Variants in RFC1 observed in about 807,000 individuals in gnomAD.
RFC1 encodes A1 140 kDa subunit.
RFC1 carries 37 observed loss-of-function variants against 137.4 expected under a neutral mutation model. That is an observed-to-expected ratio of 0.27 (90% CI 0.21 to 0.35). The LOEUF is 0.35. Among genes scored for constraint, RFC1 ranks in the 10% least tolerant of loss-of-function variants. The pLI is 1.00. For synonymous variants in RFC1, 429 were observed against 455.7 expected (o/e 0.94, Z 0.75); for missense variants, 1,205 against 1,358.5 (o/e 0.89, Z 1.78).
At chr4:39,292,405 C>A (rs1211245363) in intron 22 of RFC1, among the ~76,000 whole-genome samples, 1 of 152,078 alleles carries the variant, frequency 6.6e-6, no homozygotes, top group Non-Finnish European at 1.5e-5. Context: ...AAAAAGTGAT[C>A]CACAGTGGCC....
intron 9 of RFC1, among the ~76,000 whole-genome samples, chr4:39,318,305 G>A (rs1430967700): frequency 6.6e-6 from 1 of 152,182 alleles, no homozygotes; most frequent in Non-Finnish European, 1.5e-5. Flanking sequence ...ATCATATGAG[G>A]AGCTTATTAA....
rs775780200 is a variant in RFC1, at chr4:39,308,659, C to T, written c.1862G>A (p.Ser621Asn). Reference protein sequence around the residue: ...LLRWLRNWQKSSSEDKKHAKF... With the variant: ...LLRWLRNWQKNSSEDKKHAKF... ...ACCGTGTTTTTTATCTTCGGAAGAA[C>T]TCTTTTGCCAGTTTCGGAGCCAGCG... Residue 621 changes from serine (S) to asparagine (N), a missense_variant, in exon 13 of 25, where the codon AGT becomes AAT. Ser to Asn is a conservative substitution (Grantham distance 46). Around this residue, in one of 3 missense-constraint regions of RFC1, gnomAD observed 962 missense variants for 1,035.3 expected, o/e 0.93. Coordinates refer to ENST00000349703, the MANE Select transcript of RFC1 (RefSeq NM_002913.5). 89 of 1,611,390 alleles carry T rather than the reference C, an allele frequency of 5.5e-5. 1 individual carries two copies. In the South Asian group the frequency reaches 5.6e-4, roughly 10 times the overall value.
At chr4:39,322,661 C>T (rs1174012368) in intron 7 of RFC1, among the ~76,000 whole-genome samples, 3 of 152,038 alleles carry the variant, frequency 2.0e-5, no homozygotes, top group African/African-American at 7.2e-5. Context: ...TGCTTCTAAT[C>T]CCAACACTTT....
chr4:39,362,537 AAAG>A (rs755385901), intron 1 of RFC1, among the ~76,000 whole-genome samples: 1 of 152,350 alleles, frequency 6.6e-6, no homozygotes. Flanking sequence ...TTCAATGGAG[AAAG>A]AAGAGTCTTT....
At chr4:39,362,269 T>A (rs916885717) in intron 1 of RFC1, among the ~76,000 whole-genome samples, 2 of 152,136 alleles carry the variant, frequency 1.3e-5, no homozygotes, top group African/African-American at 4.8e-5. Context: ...AAATTCCCTA[T>A]CAAAATTCCA....
chr4:39,324,554 A>C (rs1316056009), intron 6 of RFC1, among the ~76,000 whole-genome samples: 1 of 152,232 alleles, frequency 6.6e-6, no homozygotes, highest in Non-Finnish European at 1.5e-5. Flanking sequence ...ATAAGATAGA[A>C]AAACATTTTG....
intron 19 of RFC1, among the ~76,000 whole-genome samples, chr4:39,301,027 A>G (rs1738328112): frequency 1.3e-5 from 2 of 151,750 alleles, no homozygotes; most frequent in Non-Finnish European, 2.9e-5. Flanking sequence ...CGGGAGGCAG[A>G]GGCTACAGTG....
intron 10 of RFC1, among the ~76,000 whole-genome samples, chr4:39,316,568 T>G (rs1035915901): frequency 2.6e-5 from 4 of 152,192 alleles, no homozygotes; most frequent in Non-Finnish European, 5.9e-5. Flanking sequence ...GCATCTTAGA[T>G]TTTTCCCTCA....
chr4:39,294,470 G>A (rs947892662), intron 22 of RFC1, among the ~76,000 whole-genome samples: 2 of 150,206 alleles, frequency 1.3e-5, no homozygotes, highest in Admixed American at 6.6e-5. Context: ...TCAGGAGTTC[G>A]AGACCAGCCT....
chr4:39,314,690 G>T (rs1739149681), intron 10 of RFC1, among the ~76,000 whole-genome samples: 1 of 152,000 alleles, frequency 6.6e-6, no homozygotes, highest in Non-Finnish European at 1.5e-5. Flanking sequence ...AGCCCCTTAA[G>T]GCCGACCTTC....
At chr4:39,344,255 C>G (rs1285861884) in intron 3 of RFC1, among the ~76,000 whole-genome samples, 2 of 151,996 alleles carry the variant, frequency 1.3e-5, no homozygotes, top group Non-Finnish European at 2.9e-5. Context: ...AAAAGGCATG[C>G]AAAAAAATTC....
chr4:39,297,737 T>G (rs1274870811), intron 21 of RFC1: 1 of 152,350 alleles, frequency 6.6e-6, no homozygotes. Context: ...GCTGGAATTA[T>G]AGTTTACATA....
chr4:39,356,018 A>AAC (rs59052460), intron 1 of RFC1: 4 of 150,720 alleles, frequency 2.7e-5, no homozygotes, highest in Non-Finnish European at 5.9e-5. Flanking sequence ...AAAAAAAAAA[A>AAC]CACTGGTATA....
intron 1 of RFC1, among the ~76,000 whole-genome samples, chr4:39,359,593 C>T (rs540901575): frequency 2.7e-4 from 41 of 152,184 alleles, no homozygotes; most frequent in South Asian, 4.1e-4. Context: ...GAGGCCGAGG[C>T]GGGTGGATCA....
intron 12 of RFC1, 77 bp from the exon 13 acceptor site, chr4:39,309,109 G>T: frequency 1.4e-6 from 2 of 1,460,368 alleles, no homozygotes; most frequent in Non-Finnish European, 1.8e-6. Flanking sequence ...ACGTACTACA[G>T]AGAGCAATCA....
chr4:39,303,297 A>AT, intron 15 of RFC1, 146 bp from the exon 16 acceptor site: 125 of 568,950 alleles, frequency 2.2e-4, no homozygotes, highest in Non-Finnish European at 2.6e-4. Context: ...GTGTTGTTAA[A>AT]GAAAAAAAAA....
At chr4:39,339,352 C>T (rs899729116) in intron 4 of RFC1, among the ~76,000 whole-genome samples, 2 of 152,180 alleles carry the variant, frequency 1.3e-5, no homozygotes, top group African/African-American at 4.8e-5. Flanking sequence ...CACCAATCTA[C>T]ATTCCCACCA....
At chr4:39,347,592 G>A (rs1740919442) in intron 2 of RFC1, among the ~76,000 whole-genome samples, 1 of 152,114 alleles carries the variant, frequency 6.6e-6, no homozygotes, top group Admixed American at 6.5e-5. Flanking sequence ...AAATACAGAA[G>A]TGACTTTGGA....
chr4:39,319,321 T>C (rs1739398900), intron 9 of RFC1, among the ~76,000 whole-genome samples: 1 of 152,220 alleles, frequency 6.6e-6, no homozygotes, highest in Non-Finnish European at 1.5e-5. Flanking sequence ...CACTATGTTA[T>C]ACTGCTTCAG....
Sources: gnomAD v4.1 joint callset for allele counts (sites outside exome capture counted in the v4.1 genomes callset) on GRCh38, gnomAD v4.1.1 for gene constraint, gnomAD v4.1.1 regional missense constraint, MANE v1.5 for transcripts, NCBI Gene and HGNC (gene_info 2026-07-23, HGNC 2026-07-21) for gene names.